MTAP: variants seen among roughly 807,000 people sequenced by gnomAD.
MTAP encodes methylthioadenosine phosphorylase, also known as S-methyl-5'-thioadenosine phosphorylase.
A neutral mutation model predicts 33.6 loss-of-function variants in MTAP; 33 were observed. That is an observed-to-expected ratio of 0.98 (90% confidence interval 0.74 to 1.31). MTAP has a LOEUF of 1.31. Ranked by LOEUF, MTAP falls within the 40% of genes most tolerant of loss-of-function variation. The probability of loss-of-function intolerance (pLI) is 0.00; values close to 1 mark genes in which losing one functional copy is unlikely to be tolerated. For synonymous variants in MTAP, 148 were observed against 125.7 expected, an observed-to-expected ratio of 1.18 and a Z score of -1.19; for missense variants, 367 against 360.0, an observed-to-expected ratio of 1.02 and a Z score of -0.16.
chr9:21,857,505 G>A (rs1334076378), intron 6 of MTAP, among the ~76,000 whole-genome samples: 1 of 152,158 alleles, frequency 6.6e-6, no homozygotes, highest in Admixed American at 6.5e-5. Context: ...GGATTTCTTC[G>A]AAGCATAGGA....
intron 1 of MTAP, among the ~76,000 whole-genome samples, chr9:21,894,584 C>G (rs1306667895): frequency 8.1e-6 from 1 of 123,604 alleles, no homozygotes; most frequent in East Asian, 2.3e-4. Context: ...ACATCACACA[C>G]TGGGGCCTGT....
chr9:21,936,295 C>A (rs1222107493), exon 8 of MTAP: 3 of 152,186 alleles, frequency 2.0e-5, no homozygotes, highest in Admixed American at 2.0e-4. Context: ...ACATTGGAGG[C>A]CATGCTATTT....
chr9:21,870,364 A>G (rs1203538221), downstream of MTAP, among the ~76,000 whole-genome samples: 2 of 152,234 alleles, frequency 1.3e-5, no homozygotes, highest in Non-Finnish European at 2.9e-5. Flanking sequence ...GACAGCAGGA[A>G]ACTTGTCATT....
intron 7 of MTAP, chr9:21,860,788 G>T (rs1825737428): frequency 6.6e-6 from 1 of 152,358 alleles, no homozygotes; most frequent in Non-Finnish European, 1.5e-5. Context: ...TGTCACCCAG[G>T]CTGGAGTGCA....
chr9:21,803,397 C>G (rs541051309), intron 1 of MTAP: 1 of 155,096 alleles, frequency 6.4e-6, no homozygotes, highest in African/African-American at 2.4e-5. Context: ...AATTCTGAGA[C>G]TTTCTTCGAA....
At chr9:21,874,627 G>A (rs115417373) in intron 1 of MTAP, among the ~76,000 whole-genome samples, 3,235 of 151,656 alleles carry the variant, frequency 0.021, 80 homozygotes, top group African/African-American at 0.054. Flanking sequence ...TTCTTCCGCT[G>A]TGCAGAAAAG....
Position 21,854,862 on chromosome 9 carries a change from G to C in MTAP, c.682G>C (p.Glu228Gln). ...AGATTATGACTGCTGGAAGGAGCAC[G>C]AGGAAGCAGTAGGTGGAATTCTTTT... ...ATDYDCWKEH[E>Q]EAVSVDRVLK... The change falls in exon 6 of 8, where the codon GAG (glutamate) becomes CAG (glutamine). Residue 228 changes from glutamate to glutamine, a missense_variant. By Grantham distance (29) the Glu-to-Gln change is conservative. Transcript: ENST00000644715. 6.2e-7 allele frequency: 1 copy of C among 1,614,056 alleles called. No individual in the cohort carries two copies. The highest frequency in any genetic ancestry group is 1.3e-5 in the African/African-American group (1 of 75,058).
At chr9:21,808,321 A>G (rs1003986824) in intron 1 of MTAP, among the ~76,000 whole-genome samples, 1 of 152,076 alleles carries the variant, frequency 6.6e-6, no homozygotes, top group Non-Finnish European at 1.5e-5. Flanking sequence ...ATGGTGGCTC[A>G]TGCCTGTAAT....
In MTAP at chr9:21,865,245, G is replaced by C. The variant is rs1825834504; in HGVS notation, c.*3231G>C. 6 of 467,094 alleles carry C rather than the reference G, an allele frequency of 1.3e-5. No homozygotes were observed. Among genetic ancestry groups the C allele is most frequent in the Non-Finnish European group, 1.7e-5 (6 of 356,480 alleles). The allele number at this position is 467,094 out of a possible 1,614,324, so 28.9% of individuals were successfully genotyped here. A position where few individuals can be genotyped will look rare whatever the true frequency, so the allele number is the denominator to read the frequency against. On this transcript the variant is annotated 3_prime_UTR_variant, in exon 8 of 8. Coordinates refer to ENST00000644715, the MANE Select transcript of MTAP (RefSeq NM_002451.4). ...CACAAGTCCTGTTTGTTTTATAAGG[G>C]GCTTTTCCCCCTTTTGCTCAACACT...
intron 1 of MTAP, among the ~76,000 whole-genome samples, chr9:21,918,373 AAG>A (rs1818730489): frequency 6.7e-6 from 1 of 150,056 alleles, no homozygotes; most frequent in Non-Finnish European, 1.5e-5. Flanking sequence ...AAAAAAAAAA[AAG>A]AGTGATTAAT....
intron 1 of MTAP, among the ~76,000 whole-genome samples, chr9:21,911,993 C>G (rs1381640033): frequency 1.3e-5 from 2 of 152,120 alleles, no homozygotes; most frequent in African/African-American, 2.4e-5. Flanking sequence ...TCAGAGAATA[C>G]TATAAACACC....
At chr9:21,870,252 T>A (rs2118638235), downstream of MTAP, among the ~76,000 whole-genome samples, 1 of 152,378 alleles carries the variant, frequency 6.6e-6, no homozygotes, top group Non-Finnish European at 1.5e-5. Flanking sequence ...GTTTTTCCCA[T>A]AGCTCTTAAC....
Position 21,802,744 on chromosome 9 carries a change from C to G in MTAP, c.-5C>G, listed in dbSNP as rs375344882. On this transcript the variant is annotated 5_prime_UTR_variant, in exon 1 of 8. Transcript: ENST00000644715. ...GCCCACTGCAGATTCCTTTCCCGTG[C>G]AGACATGGCCTCTGGCACCACCACC... The G allele has an allele frequency of 2.7e-4, 430 of 1,613,036 alleles. No individual in the cohort carries two copies. The highest frequency in any genetic ancestry group is 3.4e-4 in the Non-Finnish European group (400 of 1,179,898).
intron 4 of MTAP, among the ~76,000 whole-genome samples, chr9:21,823,794 G>A (rs1824710787): frequency 6.6e-6 from 1 of 152,126 alleles, no homozygotes; most frequent in Non-Finnish European, 1.5e-5. Flanking sequence ...CATATTTCTT[G>A]GAGGCTTCGT....
chr9:21,900,140 A>C (rs982123292), intron 1 of MTAP, among the ~76,000 whole-genome samples: 2 of 152,136 alleles, frequency 1.3e-5, no homozygotes, highest in Non-Finnish European at 2.9e-5. Flanking sequence ...CATCAGGAAG[A>C]CTCCAAAAGC....
intron 5 of MTAP, 55 bp from the exon 6 acceptor site, chr9:21,854,576 C>T: frequency 6.7e-7 from 1 of 1,491,734 alleles, no homozygotes; most frequent in Non-Finnish European, 8.9e-7. Flanking sequence ...GGAAGTGCAG[C>T]CTTAAGTTGT....
downstream of MTAP, among the ~76,000 whole-genome samples, chr9:21,868,779 T>A (rs530757807): frequency 6.6e-6 from 1 of 152,102 alleles, no homozygotes; most frequent in Admixed American, 6.6e-5. Context: ...CAAACTGTTT[T>A]CCCTCCTGTT....
At chr9:21,932,799 C>A (rs1169472005), downstream of MTAP, 1 of 152,170 alleles carries the variant, frequency 6.6e-6, no homozygotes, top group East Asian at 1.9e-4. Context: ...TATTGCAATT[C>A]CCCTGCCTTG....
At chr9:21,835,553 T>C (rs1446845487) in intron 4 of MTAP, among the ~76,000 whole-genome samples, 1 of 152,160 alleles carries the variant, frequency 6.6e-6, no homozygotes, top group South Asian at 2.1e-4. Context: ...GCAGGCTTAA[T>C]TGGGCAACAG....
Sources: gnomAD v4.1 joint callset for allele counts (sites outside exome capture counted in the v4.1 genomes callset) on GRCh38, gnomAD v4.1.1 for gene constraint, MANE v1.5 for transcripts, NCBI Gene and HGNC (gene_info 2026-07-23, HGNC 2026-07-21) for gene names.